CYP20A1: variants seen among roughly 807,000 people sequenced by gnomAD.
CYP20A1 encodes cytochrome P450 20A1.
CYP20A1 carries 61 observed loss-of-function variants against 61.4 expected under a neutral mutation model. The ratio of observed to expected loss-of-function variants is 0.99; its 90% CI spans 0.81 to 1.23. CYP20A1 has a LOEUF of 1.23. Ranked by LOEUF, CYP20A1 falls within the 50% of genes most tolerant of loss-of-function variation. The pLI is 0.00. For synonymous variants in CYP20A1, 193 were observed against 188.2 expected, an observed-to-expected ratio of 1.03 and a Z score of -0.21; for missense variants, 530 against 542.4, an observed-to-expected ratio of 0.98 and a Z score of 0.23.
Position 203,297,283 on chromosome 2 carries a change from CAT to C in CYP20A1, c.*377_*378del, listed in dbSNP as rs1472116628. On this transcript the variant is annotated 3_prime_UTR_variant, in exon 13 of 13. Transcript: ENST00000356079. ...TTGTTGAATATGTATAAAATAGAAA[CAT>C]AGGCTGGGCGCGGTGGCTCACACCT... The C allele has an allele frequency of 5.7e-6, 1 of 175,030 alleles. No homozygotes were observed. Among genetic ancestry groups the C allele is most frequent in the Admixed American group, 5.8e-5 (1 of 17,338 alleles). 10.8% of individuals were successfully genotyped at this position (175,030 alleles called of 1,614,324 possible).
rs753855021 is a variant in CYP20A1 at position 203,289,857 on chromosome 2, G to A, written c.1064G>A (p.Arg355Gln). Residue 355 changes from arginine (R) to glutamine (Q), a missense_variant, in exon 10 of 13, where the codon CGA becomes CAA. Physicochemically the swap from Arg to Gln is conservative, Grantham distance 43 (BLOSUM62 1). Transcript: ENST00000356079. ...CAAGATATTGAAGGAAAAATTGACC[G>A]ATTTATTATTCCTAGAGAGGTAGAA... ...QLQDIEGKID[R>Q]FIIPRETLVL... is the part of the protein sequence containing the mutation. 3.2e-6 allele frequency: 5 copies of A among 1,574,568 alleles called. No individual in the cohort carries two copies. Among genetic ancestry groups the A allele is most frequent in the Non-Finnish European group, 4.3e-6 (5 of 1,151,684 alleles).
intron 5 of CYP20A1, among the ~76,000 whole-genome samples, chr2:203,272,283 C>T (rs1252532447): frequency 2.6e-5 from 4 of 151,782 alleles, no homozygotes; most frequent in Non-Finnish European, 4.4e-5. Flanking sequence ...TGGCTCACGC[C>T]TGTAATCCCA....
chr2:203,246,861 C>T lies in CYP20A1; in HGVS notation c.229C>T (p.Leu77Phe), dbSNP rs1264907763. Residue 77 changes from leucine to phenylalanine, a missense_variant, in exon 3 of 13, where the codon CTC becomes TTC. By Grantham distance (22) the Leu-to-Phe change is conservative. Transcript: ENST00000356079. ...GGTCTCCTTCTGGTTTGGCAGGCGC[C>T]TCGTGGTTAGTTTGGGCACTGTTGA... ...PVVSFWFGRR[L>F]VVSLGTVDVL... is the part of the protein sequence containing the mutation. 1 of 1,614,156 alleles carries T rather than the reference C, an allele frequency of 6.2e-7. No homozygotes were observed. Among genetic ancestry groups the T allele is most frequent in the Non-Finnish European group, 8.5e-7 (1 of 1,180,030 alleles).
chr2:203,282,149 T>C (rs1199688978), intron 8 of CYP20A1, among the ~76,000 whole-genome samples: 2 of 150,282 alleles, frequency 1.3e-5, no homozygotes, highest in African/African-American at 4.9e-5. Context: ...GTGATTCTCC[T>C]GCCTTAGCCC....
chr2:203,283,822 C>T (rs2068150233), intron 8 of CYP20A1, among the ~76,000 whole-genome samples: 1 of 152,078 alleles, frequency 6.6e-6, no homozygotes, highest in African/African-American at 2.4e-5. Flanking sequence ...GCTGGGATTA[C>T]AGGTGTGAGC....
At chr2:203,252,973 C>T (rs1480065897) in intron 4 of CYP20A1, among the ~76,000 whole-genome samples, 1 of 152,018 alleles carries the variant, frequency 6.6e-6, no homozygotes, top group African/African-American at 2.4e-5. Flanking sequence ...CCATTTTCGT[C>T]ACCTCCAGTT....
chr2:203,266,424 T>A, intron 4 of CYP20A1, 90 bp from the exon 5 acceptor site: 3 of 1,151,920 alleles, frequency 2.6e-6, no homozygotes, highest in Non-Finnish European at 2.6e-6. Flanking sequence ...AGAGTTTAAC[T>A]GTTTGCCATT....
At chr2:203,253,812 T>C (rs2066791170) in intron 4 of CYP20A1, among the ~76,000 whole-genome samples, 1 of 152,098 alleles carries the variant, frequency 6.6e-6, no homozygotes, top group Admixed American at 6.6e-5. Context: ...CTTTTTTTTT[T>C]TCCTTTAACC....
rs4675330 is a variant in CYP20A1, at chr2:203,300,830, G to A, written c.*3922G>A. Among the ~76,000 whole-genome samples, 54,857 of 146,644 alleles carry A rather than the reference G, an allele frequency of 0.37. 10,575 individuals carry two copies. Among genetic ancestry groups the A allele is most frequent in the East Asian group, 0.55 (2,671 of 4,874 alleles). The stretch of plus-strand genomic sequence containing the variant: ...CTTGAACCCGTGAGGCAGAGGTTGC[G>A]ATGAGCCGAGATCGTGCCATTGCAC... On this transcript the variant is annotated 3_prime_UTR_variant, in exon 13 of 13. Coordinates refer to ENST00000356079, the MANE Select transcript of CYP20A1 (RefSeq NM_177538.3).
chr2:203,261,750 G>A (rs193043132), intron 4 of CYP20A1, among the ~76,000 whole-genome samples: 27 of 151,946 alleles, frequency 1.8e-4, no homozygotes, highest in Middle Eastern at 3.4e-3. Context: ...ATGAATGGCA[G>A]AGGGGTTGCT....
intron 3 of CYP20A1, among the ~76,000 whole-genome samples, chr2:203,247,968 G>T (rs2066519624): frequency 6.6e-6 from 1 of 152,140 alleles, no homozygotes; most frequent in Admixed American, 6.6e-5. Context: ...GCTCACACCT[G>T]TAATCCCAAC....
At chr2:203,285,845 GTATT>G in intron 9 of CYP20A1, 113 bp downstream of exon 9, 1 of 897,992 alleles carries the variant, frequency 1.1e-6, no homozygotes, top group Non-Finnish European at 1.5e-6. Context: ...AGGACTTAAA[GTATT>G]TATATGTAGA....
intron 4 of CYP20A1, 130 bp from the exon 5 acceptor site, chr2:203,266,384 G>T: frequency 2.7e-6 from 2 of 749,372 alleles, no homozygotes; most frequent in Non-Finnish European, 4.4e-6. Flanking sequence ...TAGTCTGACA[G>T]ATTCGTACCT....
intron 11 of CYP20A1, among the ~76,000 whole-genome samples, chr2:203,295,768 G>C (rs531045489): frequency 1.5e-3 from 226 of 152,134 alleles, no homozygotes; most frequent in African/African-American, 5.3e-3. Flanking sequence ...GGCCAACATG[G>C]TGAAACCCCG....
In CYP20A1 at chr2:203,262,513, T is replaced by C. The variant is rs73058748; in HGVS notation, c.433-4001T>C. On this transcript the variant is annotated intron_variant, in intron 4 of 12. Coordinates refer to ENST00000356079, the MANE Select transcript of CYP20A1 (RefSeq NM_177538.3). ...TTTTCTAATTTTGTTTATGCTCTTA[T>C]GTTTATTTCCTTCCTTCTGCTTTCA... 6.1e-3 allele frequency among the ~76,000 whole-genome samples: 931 copies of C among 152,334 alleles called. 10 individuals carry two copies. Among genetic ancestry groups the C allele is most frequent in the African/African-American group, 0.022 (899 of 41,586 alleles).
intron 1 of CYP20A1, among the ~76,000 whole-genome samples, chr2:203,241,290 C>G (rs2066246302): frequency 6.6e-6 from 1 of 152,058 alleles, no homozygotes; most frequent in Non-Finnish European, 1.5e-5. Context: ...GTTTGAGATG[C>G]CTGTTAGACA....
At chr2:203,287,457 A>G (rs2068329408) in intron 9 of CYP20A1, among the ~76,000 whole-genome samples, 1 of 151,890 alleles carries the variant, frequency 6.6e-6, no homozygotes, top group African/African-American at 2.4e-5. Context: ...TATAATCCCA[A>G]TAATTTGGGA....
intron 4 of CYP20A1, among the ~76,000 whole-genome samples, chr2:203,255,769 T>A (rs2066871827): frequency 1.3e-5 from 2 of 152,212 alleles, no homozygotes; most frequent in Non-Finnish European, 2.9e-5. Flanking sequence ...TTGTTTTCTT[T>A]TAAGTCTTCA....
intron 8 of CYP20A1, 31 bp from the exon 9 acceptor site, chr2:203,285,581 T>C: frequency 6.7e-7 from 1 of 1,502,956 alleles, no homozygotes; most frequent in South Asian, 1.4e-5. Context: ...GTTAGCTATT[T>C]TCATTGTTAT....
Sources: gnomAD v4.1 joint callset for allele counts (sites outside exome capture counted in the v4.1 genomes callset) on GRCh38, gnomAD v4.1.1 for gene constraint, MANE v1.5 for transcripts, NCBI Gene and HGNC (gene_info 2026-07-23, HGNC 2026-07-21) for gene names.